ACACA: variants seen among roughly 807,000 people sequenced by gnomAD.
ACACA encodes acetyl-CoA carboxylase 1.
Under a neutral mutation model 296.1 loss-of-function variants are expected in ACACA, and 103 were observed. The observed-to-expected ratio is 0.35, with a 90% CI of 0.30 to 0.41. The LOEUF is 0.41. Ranked by LOEUF, ACACA falls within the 10% of genes least tolerant of loss-of-function variation. The pLI, the probability that ACACA is intolerant of heterozygous loss-of-function variation, is 1.00. For synonymous variants in ACACA, 953 were observed against 1,038.6 expected, an observed-to-expected ratio of 0.92 and a Z score of 1.58; for missense variants, 1,554 against 2,989.7, an observed-to-expected ratio of 0.52 and a Z score of 11.20.
At chr17:37,211,108 G>A (rs1458906755) in intron 29 of ACACA, among the ~76,000 whole-genome samples, 1 of 152,152 alleles carries the variant, frequency 6.6e-6, no homozygotes, top group Non-Finnish European at 1.5e-5. Flanking sequence ...GGAAGGTACT[G>A]TATTCTAGGA....
At chr17:37,170,114 C>T (rs78811066) in intron 41 of ACACA, among the ~76,000 whole-genome samples, 1,745 of 151,954 alleles carry the variant, frequency 0.011, 22 homozygotes, top group East Asian at 0.048. Context: ...AACATTCCAA[C>T]GAGCAGGTTT....
chr17:37,212,106 T>TC (rs1598191262), intron 29 of ACACA, among the ~76,000 whole-genome samples: 4 of 152,190 alleles, frequency 2.6e-5, no homozygotes, highest in Admixed American at 6.5e-5. Flanking sequence ...AGCATGAATC[T>TC]CAGTTCAGAG....
chr17:37,275,212 T>G (rs977196896), intron 8 of ACACA, among the ~76,000 whole-genome samples: 1 of 152,074 alleles, frequency 6.6e-6, no homozygotes, highest in Non-Finnish European at 1.5e-5. Flanking sequence ...CAAGAAAACA[T>G]TGGCGCCAGG....
intron 1 of ACACA, among the ~76,000 whole-genome samples, chr17:37,390,173 T>TACACACAC (rs1345364710): frequency 6.7e-5 from 3 of 44,970 alleles, no homozygotes; most frequent in South Asian, 5.6e-4. Context: ...TATATATATA[T>TACACACAC]ATACACACAC....
intron 2 of ACACA, among the ~76,000 whole-genome samples, chr17:37,338,792 T>C (rs1449638615): frequency 3.3e-5 from 5 of 151,458 alleles, no homozygotes; most frequent in Non-Finnish European, 7.4e-5. Context: ...TACAAAAAAT[T>C]AGCCAGGCGT....
intron 1 of ACACA, chr17:37,391,769 T>C: frequency 6.5e-7 from 1 of 1,532,510 alleles, no homozygotes; most frequent in Non-Finnish European, 9.0e-7. Flanking sequence ...TACACAGTCC[T>C]CTCCCTATTA....
At chr17:37,352,324 C>T (rs1017351655) in intron 1 of ACACA, among the ~76,000 whole-genome samples, 4 of 152,070 alleles carry the variant, frequency 2.6e-5, no homozygotes, top group African/African-American at 7.2e-5. Flanking sequence ...ATTTAAAGGC[C>T]TCCAGGTAAA....
chr17:37,350,158 T>C (rs1217615893), intron 1 of ACACA, among the ~76,000 whole-genome samples: 2 of 151,886 alleles, frequency 1.3e-5, no homozygotes, highest in East Asian at 3.9e-4. Context: ...ACTCCGTCTC[T>C]ATAAAAAATA....
intron 1 of ACACA, among the ~76,000 whole-genome samples, chr17:37,358,063 G>C (rs2049224785): frequency 6.6e-6 from 1 of 152,144 alleles, no homozygotes; most frequent in African/African-American, 2.4e-5. Flanking sequence ...AACAGAATCA[G>C]GAAGGCCTAG....
intron 42 of ACACA, among the ~76,000 whole-genome samples, chr17:37,156,504 T>A (rs1275126346): frequency 6.6e-6 from 1 of 152,154 alleles, no homozygotes; most frequent in African/African-American, 2.4e-5. Context: ...AAAATAAATA[T>A]AAGCAAGGGA....
intron 45 of ACACA, among the ~76,000 whole-genome samples, chr17:37,133,265 G>T (rs975165303): frequency 6.6e-6 from 1 of 152,062 alleles, no homozygotes; most frequent in Non-Finnish European, 1.5e-5. Flanking sequence ...CTTAACAATC[G>T]GTGAAGAGAA....
At chr17:37,167,223 G>A (rs1329402840) in intron 41 of ACACA, among the ~76,000 whole-genome samples, 1 of 140,910 alleles carries the variant, frequency 7.1e-6, no homozygotes, top group Non-Finnish European at 1.5e-5. Flanking sequence ...GCCTCCCAAA[G>A]TGCTTATTTT....
At chr17:37,242,157 G>T in intron 22 of ACACA, 104 bp from the exon 23 acceptor site, 1 of 868,432 alleles carries the variant, frequency 1.2e-6, no homozygotes, top group Non-Finnish European at 1.9e-6. Context: ...TTATAACATG[G>T]CAGTTCCTAT....
chr17:37,247,704 A>C (rs974739895), intron 18 of ACACA, among the ~76,000 whole-genome samples: 1 of 152,214 alleles, frequency 6.6e-6, no homozygotes, highest in Non-Finnish European at 1.5e-5. Flanking sequence ...CAGTATGTAC[A>C]TGAGTGTAAC....
Position 37,192,206 on chromosome 17 carries a change from C to T in ACACA, c.4300G>A (p.Ala1434Thr). The change falls in exon 37 of 56, where the codon GCT becomes ACT. Residue 1434 changes from alanine to threonine, a missense_variant. By Grantham distance (58) the Ala-to-Thr change is moderately conservative. Coordinates refer to ENST00000616317, the MANE Select transcript of ACACA (RefSeq NM_198834.3). ...RNFDLTAIPC[A>T]NHKMHLYLGA... ...AGATACAGGTGCATCTTGTGATTAG[C>T]ACATGGAATGGCAGTGAGGTCAAAA... is the stretch of plus-strand genomic sequence containing the variant. 1 of 1,614,028 alleles carries T rather than the reference C, an allele frequency of 6.2e-7. No homozygotes were observed. The highest frequency in any genetic ancestry group is 8.5e-7 in the Non-Finnish European group (1 of 1,180,018).
Position 37,129,354 on chromosome 17 carries a change from C to T in ACACA, c.5944+11G>A, listed in dbSNP as rs1482836506. The T allele has an allele frequency of 2.5e-6, 4 of 1,613,886 alleles. No homozygotes were observed. In the African/African-American group the frequency reaches 4.0e-5, roughly 16 times the overall value. On this transcript the variant is annotated intron_variant, in intron 47 of 55. Transcript: ENST00000616317. The stretch of plus-strand genomic sequence containing the variant: ...AGCCAGGTACCATGGGGTCCTCAAA[C>T]ATATACATACTTGGGTGAGGACGGC...
chr17:37,094,462 C>T (rs911956160), intron 54 of ACACA, among the ~76,000 whole-genome samples: 1 of 152,070 alleles, frequency 6.6e-6, no homozygotes, highest in African/African-American at 2.4e-5. Flanking sequence ...AGTAACCAAC[C>T]ACAATAAGGA....
At chr17:37,229,555 G>T (rs1388286066) in intron 25 of ACACA, among the ~76,000 whole-genome samples, 2 of 151,788 alleles carry the variant, frequency 1.3e-5, no homozygotes, top group Non-Finnish European at 2.9e-5. Flanking sequence ...CACCCGCCTC[G>T]GCCTCCCAAA....
intron 35 of ACACA, 125 bp from the exon 36 acceptor site, chr17:37,193,540 G>A: frequency 1.4e-6 from 1 of 709,032 alleles, no homozygotes; most frequent in Non-Finnish European, 2.5e-6. Flanking sequence ...TCTTACCTAA[G>A]CTTAGTCCAG....
Sources: gnomAD v4.1 joint callset for allele counts (sites outside exome capture counted in the v4.1 genomes callset) on GRCh38, gnomAD v4.1.1 for gene constraint, MANE v1.5 for transcripts, NCBI Gene and HGNC (gene_info 2026-07-23, HGNC 2026-07-21) for gene names.